CTNNA3: variants seen among roughly 807,000 people sequenced by gnomAD.
The protein encoded by CTNNA3 is catenin alpha-3.
In CTNNA3, 76 loss-of-function variants were observed where a neutral mutation model predicts 95.7. That is an observed-to-expected ratio of 0.79 (90% CI 0.66 to 0.96). The LOEUF is 0.96. Ranked by LOEUF, CTNNA3 falls within the 40% of genes least tolerant of loss-of-function variation. CTNNA3 has a pLI of 0.00. For synonymous variants in CTNNA3, 431 were observed against 374.4 expected (o/e 1.15, Z -1.74); for missense variants, 1,191 against 1,089.8 (o/e 1.09, Z -1.31).
chr10:66,075,134 C>T (rs968820279), intron 14 of CTNNA3, among the ~76,000 whole-genome samples: 2 of 151,706 alleles, frequency 1.3e-5, no homozygotes, highest in Admixed American at 6.6e-5. Flanking sequence ...CACAATTGAT[C>T]GTTTTTCATC....
intron 7 of CTNNA3, among the ~76,000 whole-genome samples, chr10:66,985,851 C>T (rs892267907): frequency 6.6e-6 from 1 of 152,038 alleles, no homozygotes; most frequent in Non-Finnish European, 1.5e-5. Flanking sequence ...CCTCAGCCTC[C>T]CAAGTAACTG....
At chr10:66,426,924 T>C (rs1404141635) in intron 11 of CTNNA3, among the ~76,000 whole-genome samples, 1 of 152,066 alleles carries the variant, frequency 6.6e-6, no homozygotes, top group Non-Finnish European at 1.5e-5. Flanking sequence ...CTGTTTTTTC[T>C]CTTTGTGCTA....
chr10:65,920,499 C>G lies in CTNNA3; in HGVS notation c.2519G>C (p.Gly840Ala), dbSNP rs773566253. ...TKIIRIQSPA[G>A]PRHPVVMWRM... Reference sequence around the variant, plus strand: ...CCACATCACAACTGGGTGCCGGGGCCCAGCAGGACTCTGGATTCGGATGAT... The same window carrying G: ...CCACATCACAACTGGGTGCCGGGGCGCAGCAGGACTCTGGATTCGGATGAT... The change falls in exon 18 of 18, where the codon GGG (glycine) becomes GCG (alanine). Residue 840 changes from glycine (G) to alanine (A), a missense_variant. By Grantham distance (60) the Gly-to-Ala change is moderately conservative. Transcript: ENST00000433211. 1 of 1,614,032 alleles carries G rather than the reference C, an allele frequency of 6.2e-7. No individual in the cohort carries two copies. Among genetic ancestry groups the G allele is most frequent in the African/African-American group, 1.3e-5 (1 of 74,986 alleles).
At chr10:67,019,419 C>T (rs532592173) in intron 7 of CTNNA3, among the ~76,000 whole-genome samples, 2 of 152,012 alleles carry the variant, frequency 1.3e-5, no homozygotes, top group East Asian at 1.9e-4. Context: ...GGTTTCTCCA[C>T]ATTGGTCAAG....
chr10:66,351,241 T>C (rs780267114), intron 12 of CTNNA3, among the ~76,000 whole-genome samples: 1 of 152,044 alleles, frequency 6.6e-6, no homozygotes, highest in Admixed American at 6.5e-5. Flanking sequence ...GTATGGAGAA[T>C]GTACTATGTG....
intron 10 of CTNNA3, among the ~76,000 whole-genome samples, chr10:66,589,483 C>T (rs531557304): frequency 6.6e-6 from 1 of 152,154 alleles, no homozygotes; most frequent in East Asian, 1.9e-4. Flanking sequence ...AACATTTTCT[C>T]TTTACTATAA....
intron 1 of CTNNA3, among the ~76,000 whole-genome samples, chr10:67,669,129 A>G (rs1201237803): frequency 3.3e-5 from 5 of 152,036 alleles, no homozygotes; most frequent in African/African-American, 1.2e-4. Context: ...TTATCTTCAA[A>G]ACAACTTATT....
intron 5 of CTNNA3, among the ~76,000 whole-genome samples, chr10:67,364,937 A>T (rs149498981): frequency 0.041 from 6,225 of 152,260 alleles, 181 homozygotes; most frequent in South Asian, 0.1. Context: ...AGCAAAAAGA[A>T]CAAAGTTGGA....
At chr10:65,928,841 C>T (rs1412772818) in intron 17 of CTNNA3, among the ~76,000 whole-genome samples, 4 of 152,096 alleles carry the variant, frequency 2.6e-5, no homozygotes, top group Non-Finnish European at 5.9e-5. Flanking sequence ...TCAGAAAGTT[C>T]CAAAGTCCCA....
chr10:65,954,673 A>T (rs140237611), intron 17 of CTNNA3, among the ~76,000 whole-genome samples: 2,357 of 152,166 alleles, frequency 0.015, 69 homozygotes, highest in African/African-American at 0.054. Flanking sequence ...TTTTTGTCAG[A>T]ATTGTCAAAG....
intron 1 of CTNNA3, among the ~76,000 whole-genome samples, chr10:67,748,739 A>C (rs1841386449): frequency 6.6e-6 from 1 of 152,222 alleles, no homozygotes; most frequent in Admixed American, 6.5e-5. Context: ...ACACGATCAA[A>C]TTCACACATA....
intron 7 of CTNNA3, among the ~76,000 whole-genome samples, chr10:67,055,755 G>A (rs1855387997): frequency 6.6e-6 from 1 of 152,128 alleles, no homozygotes; most frequent in South Asian, 2.1e-4. Context: ...GGCAGAGGAT[G>A]AAAGATGTAC....
chr10:67,556,131 T>G (rs887260774), intron 3 of CTNNA3, among the ~76,000 whole-genome samples: 1 of 152,216 alleles, frequency 6.6e-6, no homozygotes, highest in African/African-American at 2.4e-5. Context: ...ATAAGCTTTT[T>G]GATGTGCTGC....
At position 66,367,265 on chromosome 10, in the gene CTNNA3, C is replaced by G. The variant is rs74907522; in HGVS notation, c.1732+11887G>C. Among the ~76,000 whole-genome samples the G allele has an allele frequency of 1.3e-4, 20 of 152,206 alleles. No individual in the cohort carries two copies. The East Asian group carries it at 3.9e-3, about 29-fold the overall frequency. On this transcript the variant is annotated intron_variant, in intron 12 of 17. Transcript: ENST00000433211. ...TTGGTACCAACAAGGTGATTTCAAA[C>G]TTAAACAATGTATTATAAATATAAA...
intron 11 of CTNNA3, among the ~76,000 whole-genome samples, chr10:66,472,147 C>A (rs544458729): frequency 6.8e-4 from 103 of 151,942 alleles, no homozygotes; most frequent in African/African-American, 2.3e-3. Context: ...ATCATAGAAG[C>A]TTGAAATTGG....
intron 5 of CTNNA3, 34 bp downstream of exon 5, chr10:67,521,808 C>G (rs754018355): frequency 6.2e-7 from 1 of 1,602,552 alleles, no homozygotes; most frequent in South Asian, 1.1e-5. Context: ...CTAAAGTGTT[C>G]ATCTCCTCCA....
intron 13 of CTNNA3, among the ~76,000 whole-genome samples, chr10:66,179,768 G>A (rs1392928408): frequency 1.3e-5 from 2 of 151,940 alleles, no homozygotes; most frequent in African/African-American, 4.8e-5. Flanking sequence ...AATATAATAT[G>A]CTTGTAATCT....
intron 7 of CTNNA3, among the ~76,000 whole-genome samples, chr10:66,955,340 C>T (rs1228181337): frequency 2.0e-5 from 3 of 152,134 alleles, no homozygotes; most frequent in African/African-American, 7.2e-5. Context: ...TTACTGATTA[C>T]TCACTATGTA....
chr10:66,877,894 G>A (rs1356947619), intron 7 of CTNNA3, among the ~76,000 whole-genome samples: 1 of 152,104 alleles, frequency 6.6e-6, no homozygotes, highest in Non-Finnish European at 1.5e-5. Context: ...GATTTATAAT[G>A]TTCAAAACTT....
Sources: allele counts gnomAD v4.1 joint callset (sites outside exome capture counted in the v4.1 genomes callset), GRCh38; gene constraint gnomAD v4.1.1; transcripts MANE v1.5; gene names NCBI Gene and HGNC (gene_info 2026-07-23, HGNC 2026-07-21).